Variants in DPYD observed in about 807,000 individuals in gnomAD.
DPYD encodes dihydropyrimidine dehydrogenase.
Under a neutral mutation model 116.2 loss-of-function variants are expected in DPYD, and 109 were observed. That is an observed-to-expected ratio of 0.94 (90% CI 0.80 to 1.10). The LOEUF is 1.10. Ranked by LOEUF, DPYD falls within the 50% of genes least tolerant of loss-of-function variation. The pLI is 0.00. For missense variants in DPYD, 1,302 were observed against 1,254.5 expected (o/e 1.04, Z -0.57); for synonymous variants, 440 against 432.0 (o/e 1.02, Z -0.23).
intron 20 of DPYD, among the ~76,000 whole-genome samples, chr1:97,177,138 CCA>C (rs1468924822): frequency 6.6e-6 from 1 of 152,084 alleles, no homozygotes; most frequent in East Asian, 1.9e-4. Context: ...CGTTCTATTT[CCA>C]CACAGTCTGT....
chr1:97,887,109 T>G (rs1672535805), intron 1 of DPYD, among the ~76,000 whole-genome samples: 1 of 151,964 alleles, frequency 6.6e-6, no homozygotes, highest in Non-Finnish European at 1.5e-5. Flanking sequence ...CAAGAATGAC[T>G]GCACATATCC....
intron 20 of DPYD, among the ~76,000 whole-genome samples, chr1:97,163,180 C>T (rs1193345852): frequency 6.6e-6 from 1 of 152,106 alleles, no homozygotes; most frequent in Non-Finnish European, 1.5e-5. Flanking sequence ...AAACTACCAT[C>T]AGAGTAAACA....
At chr1:97,789,791 A>C (rs1421003884) in intron 3 of DPYD, among the ~76,000 whole-genome samples, 1 of 152,210 alleles carries the variant, frequency 6.6e-6, no homozygotes, top group Non-Finnish European at 1.5e-5. Context: ...CGTGTCCACA[A>C]ATCACTCAGC....
At chr1:97,205,844 C>G (rs1044776357) in intron 19 of DPYD, among the ~76,000 whole-genome samples, 1 of 151,954 alleles carries the variant, frequency 6.6e-6, no homozygotes, top group Admixed American at 6.6e-5. Context: ...ACATTTCTTT[C>G]CTCTAACCCT....
At chr1:97,162,007 T>C (rs1655946458) in intron 20 of DPYD, among the ~76,000 whole-genome samples, 1 of 151,934 alleles carries the variant, frequency 6.6e-6, no homozygotes, top group Non-Finnish European at 1.5e-5. Flanking sequence ...GTCTTTGCTA[T>C]TGTGAATAGA....
chr1:97,801,713 A>C (rs1667854892), intron 3 of DPYD, among the ~76,000 whole-genome samples: 1 of 151,708 alleles, frequency 6.6e-6, no homozygotes, highest in Non-Finnish European at 1.5e-5. Flanking sequence ...GCAAATGGAA[A>C]GGCCCATTAT....
At chr1:97,840,873 A>G (rs1670004187) in intron 2 of DPYD, among the ~76,000 whole-genome samples, 1 of 152,132 alleles carries the variant, frequency 6.6e-6, no homozygotes, top group Admixed American at 6.5e-5. Flanking sequence ...TTCCAAAATT[A>G]TAACTTTTAG....
chr1:97,400,361 T>C (rs186718848), intron 14 of DPYD, among the ~76,000 whole-genome samples: 53 of 152,318 alleles, frequency 3.5e-4, no homozygotes, highest in African/African-American at 1.3e-3. Flanking sequence ...CAGTATTTTA[T>C]TGAGGATTTT....
At chr1:97,213,295 C>T (rs1660167324) in intron 19 of DPYD, among the ~76,000 whole-genome samples, 1 of 152,104 alleles carries the variant, frequency 6.6e-6, no homozygotes, top group Admixed American at 6.6e-5. Flanking sequence ...ATTATTACAA[C>T]TTTTAGCTTA....
intron 14 of DPYD, among the ~76,000 whole-genome samples, chr1:97,443,755 TTAAA>T (rs1349570428): frequency 6.6e-6 from 1 of 152,250 alleles, no homozygotes; most frequent in South Asian, 2.1e-4. Flanking sequence ...TTTTATTTTT[TTAAA>T]CGAGTTGTCT....
intron 13 of DPYD, among the ~76,000 whole-genome samples, chr1:97,469,131 C>T (rs890343641): frequency 6.6e-5 from 10 of 151,988 alleles, no homozygotes; most frequent in Admixed American, 2.0e-4. Flanking sequence ...AAAGGAACAG[C>T]CATTTAATAT....
chr1:97,906,706 T>C (rs1271971440), intron 1 of DPYD, among the ~76,000 whole-genome samples: 1 of 152,088 alleles, frequency 6.6e-6, no homozygotes, highest in Non-Finnish European at 1.5e-5. Context: ...CTTTTTCCGT[T>C]GTAACTGAGC....
intron 18 of DPYD, among the ~76,000 whole-genome samples, chr1:97,278,009 CTATT>C (rs367989981): frequency 2.6e-5 from 4 of 152,138 alleles, no homozygotes; most frequent in African/African-American, 7.2e-5. Context: ...GATTTCTGAT[CTATT>C]TATTTAGTTT....
chr1:97,508,792 C>G (rs1647553961), intron 13 of DPYD, among the ~76,000 whole-genome samples: 1 of 151,902 alleles, frequency 6.6e-6, no homozygotes. Flanking sequence ...ATGGGAGGGG[C>G]CATTTCCATG....
At chr1:97,739,881 G>C (rs1326914588) in intron 4 of DPYD, among the ~76,000 whole-genome samples, 5 of 151,696 alleles carry the variant, frequency 3.3e-5, no homozygotes, top group Admixed American at 3.3e-4. Flanking sequence ...GCCCATATAA[G>C]CCTTTTCTTC....
intron 2 of DPYD, among the ~76,000 whole-genome samples, chr1:97,868,013 T>G (rs142405980): frequency 4.0e-5 from 6 of 151,570 alleles, no homozygotes; most frequent in African/African-American, 9.7e-5. Context: ...ATAAACAAAT[T>G]CTGTAAATTT....
chr1:97,434,671 A>G (rs1675370857), intron 14 of DPYD, among the ~76,000 whole-genome samples: 1 of 152,080 alleles, frequency 6.6e-6, no homozygotes, highest in East Asian at 1.9e-4. Context: ...GGTGAAAAGG[A>G]AAAGTAAATC....
At chr1:97,693,934 G>A (rs1488545037) in intron 6 of DPYD, among the ~76,000 whole-genome samples, 1 of 152,090 alleles carries the variant, frequency 6.6e-6, no homozygotes, top group Non-Finnish European at 1.5e-5. Flanking sequence ...TAAAAAGCAG[G>A]GACAACTTTT....
intron 13 of DPYD, among the ~76,000 whole-genome samples, chr1:97,465,771 G>A (rs1279635041): frequency 6.6e-6 from 1 of 152,102 alleles, no homozygotes; most frequent in Non-Finnish European, 1.5e-5. Flanking sequence ...GCATAAAAAT[G>A]GACTAATACA....
Sources: gnomAD v4.1 joint callset for allele counts (sites outside exome capture counted in the v4.1 genomes callset) on GRCh38, gnomAD v4.1.1 for gene constraint, MANE v1.5 for transcripts, NCBI Gene and HGNC (gene_info 2026-07-23, HGNC 2026-07-21) for gene names.